OAS1: variants seen among roughly 807,000 people sequenced by gnomAD.
The protein encoded by OAS1 is 2'-5'-oligoadenylate synthase 1.
A neutral mutation model predicts 38.5 loss-of-function variants in OAS1; 24 were observed. That is an observed-to-expected ratio of 0.62 (90% CI 0.45 to 0.88). OAS1 has a LOEUF of 0.88. Among genes scored for constraint, OAS1 ranks in the 40% least tolerant of loss-of-function variants. The pLI, the probability that OAS1 is intolerant of heterozygous loss-of-function variation, is 0.00. For synonymous variants in OAS1, 169 were observed against 193.9 expected (o/e 0.87, Z 1.07); for missense variants, 482 against 493.9 (o/e 0.98, Z 0.23).
chr12:112,925,378 C>T (rs1054679335), intron 6 of OAS1, among the ~76,000 whole-genome samples: 1 of 152,184 alleles, frequency 6.6e-6, no homozygotes, highest in African/African-American at 2.4e-5. Flanking sequence ...CAACCGCAGG[C>T]CAGTATTGCC....
chr12:112,928,671 C>A (rs978550560), intron 6 of OAS1, among the ~76,000 whole-genome samples: 3 of 152,336 alleles, frequency 2.0e-5, no homozygotes, highest in Non-Finnish European at 4.4e-5. Flanking sequence ...ACACATGAAG[C>A]CATTTAAGGC....
intron 3 of OAS1, among the ~76,000 whole-genome samples, chr12:112,913,921 A>T (rs1411805570): frequency 3.3e-5 from 5 of 152,158 alleles, no homozygotes; most frequent in Non-Finnish European, 7.3e-5. Flanking sequence ...CTGATCACAG[A>T]GAGAGGACTA....
At position 112,915,753 on chromosome 12, in the gene OAS1, A is replaced by T. The variant is rs151135456; in HGVS notation, c.655-756A>T. Reference sequence around the variant, plus strand: ...ATATTGATTCTACCCATTCATGAGCATGGGATGTGTTTCCATTTGTTTGTG... The same window carrying T: ...ATATTGATTCTACCCATTCATGAGCTTGGGATGTGTTTCCATTTGTTTGTG... On this transcript the variant is annotated intron_variant, in intron 3 of 5. Coordinates refer to ENST00000202917, the MANE Select transcript of OAS1 (RefSeq NM_016816.4). 2.3e-3 allele frequency among the ~76,000 whole-genome samples: 356 copies of T among 152,314 alleles called. 1 individual carries two copies. Among genetic ancestry groups the T allele is most frequent in the African/African-American group, 7.8e-3 (325 of 41,576 alleles).
At position 112,917,686 on chromosome 12, in the gene OAS1, T is replaced by C; in HGVS notation, c.1024T>C (p.Ser342Pro). The change falls in exon 5 of 6, where the codon TCC (serine) becomes CCC (proline). Residue 342 changes from serine to proline, a missense_variant. Physicochemically the swap from Ser to Pro is moderately conservative, Grantham distance 74 (BLOSUM62 -1). Transcript: ENST00000202917. Reference sequence around the variant, plus strand: ...GAATTGGGATGGGTCCCCAGTGAGCTCCTGGATTCTGCTGGTGAGACCTCC... The same window carrying C: ...GAATTGGGATGGGTCCCCAGTGAGCCCCTGGATTCTGCTGGTGAGACCTCC... The part of the protein sequence containing the change: ...FKNWDGSPVS[S>P]WILLAESNSA... 6.2e-7 allele frequency: 1 copy of C among 1,614,160 alleles called. No individual in the cohort carries two copies. The highest frequency in any genetic ancestry group is 8.5e-7 in the Non-Finnish European group (1 of 1,180,024).
In OAS1 at chr12:112,931,665, C is replaced by G. The variant is rs180842224; in HGVS notation, c.1168-213C>G. On this transcript the variant is annotated intron_variant, in intron 6 of 6. Transcript: ENST00000540589. ...GACTCTAAAACATCTAAAACTGTTG[C>G]CCCGCATTCTCTTCATTTGACAGAT... Among the ~76,000 whole-genome samples, 371 of 152,310 alleles carry G rather than the reference C, an allele frequency of 2.4e-3. 1 individual carries two copies. The highest frequency in any genetic ancestry group is 8.2e-3 in the African/African-American group (341 of 41,572).
chr12:112,917,397 AG>A (rs2062156873), intron 4 of OAS1, 149 bp from the exon 5 acceptor site: 1 of 962,960 alleles, frequency 1.0e-6, no homozygotes, highest in African/African-American at 1.6e-5. Flanking sequence ...GCTGGGGAAT[AG>A]GGCACTGGGG....
chr12:112,922,713 C>G (rs1322846317), downstream of OAS1, among the ~76,000 whole-genome samples: 2 of 152,204 alleles, frequency 1.3e-5, no homozygotes, highest in Admixed American at 1.3e-4. Context: ...ACATAGTAAA[C>G]ATATCCACTC....
At chr12:112,921,211 A>G (rs2136329338), downstream of OAS1, among the ~76,000 whole-genome samples, 1 of 152,330 alleles carries the variant, frequency 6.6e-6, no homozygotes, top group East Asian at 1.9e-4. Flanking sequence ...AAACCCTCAC[A>G]GATACACCTA....
intron 5 of OAS1, chr12:112,919,005 G>A (rs1005558232): frequency 7.2e-6 from 2 of 278,262 alleles, no homozygotes; most frequent in Non-Finnish European, 1.4e-5. Context: ...AAAGAGAATA[G>A]GGAGAAGTGA....
At chr12:112,923,492 G>T (rs1452490050), downstream of OAS1, among the ~76,000 whole-genome samples, 3 of 152,186 alleles carry the variant, frequency 2.0e-5, no homozygotes, top group Non-Finnish European at 2.9e-5. Flanking sequence ...TCATAGACCT[G>T]TTATCCATTT....
exon 7 of OAS1, chr12:112,931,992 A>G (rs12297351): frequency 0.013 from 9,102 of 692,138 alleles, 392 homozygotes; most frequent in African/African-American, 0.11. Flanking sequence ...TTGCTTAGGG[A>G]GGCAGAAATC....
At position 112,911,068 on chromosome 12, in the gene OAS1, T is replaced by C; in HGVS notation, c.487T>C (p.Tyr163His). The change falls in exon 3 of 6, where the codon TAT (tyrosine) becomes CAT (histidine). Residue 163 changes from tyrosine to histidine, a missense_variant. Coordinates refer to ENST00000202917, the MANE Select transcript of OAS1 (RefSeq NM_016816.4). Reference sequence around the variant, plus strand: ...CCGAACAGGTCAGTTGACTGGCGGCTATAAACCTAACCCCCAAATCTATGT... The same window carrying C: ...CCGAACAGGTCAGTTGACTGGCGGCCATAAACCTAACCCCCAAATCTATGT... Reference protein sequence around the residue: ...FDALGQLTGGYKPNPQIYVKL... With the variant: ...FDALGQLTGGHKPNPQIYVKL... 1.2e-6 allele frequency: 2 copies of C among 1,613,830 alleles called. No homozygotes were observed. The highest frequency in any genetic ancestry group is 1.7e-6 in the Non-Finnish European group (2 of 1,179,892).
intron 6 of OAS1, chr12:112,931,797 A>G (rs767804383): frequency 1.3e-4 from 77 of 611,236 alleles, no homozygotes; most frequent in Non-Finnish European, 1.9e-4. Flanking sequence ...AGATGCTTCT[A>G]TAGGCTTTTC....
In OAS1 at chr12:112,908,675, A is replaced by G; in HGVS notation, c.320A>G (p.Glu107Gly). The G allele has an allele frequency of 6.2e-7, 1 of 1,614,216 alleles. No homozygotes were observed. The highest frequency in any genetic ancestry group is 8.5e-7 in the Non-Finnish European group (1 of 1,180,038). Residue 107 changes from glutamate to glycine, a missense_variant, in exon 2 of 6, where the codon GAA becomes GGA. Transcript: ENST00000202917. ...ATCCAGGAAATTAGGAGACAGCTGG[A>G]AGCCTGTCAAAGAGAGAGAGCATTT... The part of the protein sequence containing the change: ...EFIQEIRRQL[E>G]ACQRERAFSV...
At chr12:112,921,487 T>C (rs542410789), downstream of OAS1, among the ~76,000 whole-genome samples, 13 of 152,338 alleles carry the variant, frequency 8.5e-5, no homozygotes, top group Admixed American at 2.6e-4. Flanking sequence ...CAGCCTTCCA[T>C]CTACAACAGG....
chr12:112,928,083 G>A (rs2043571738), intron 6 of OAS1, among the ~76,000 whole-genome samples: 1 of 152,172 alleles, frequency 6.6e-6, no homozygotes, highest in African/African-American at 2.4e-5. Context: ...CTAGTGCCAG[G>A]ATCTTTAGTG....
At chr12:112,910,380 AAAG>A (rs2043358586) in intron 2 of OAS1, among the ~76,000 whole-genome samples, 1 of 152,138 alleles carries the variant, frequency 6.6e-6, no homozygotes, top group Non-Finnish European at 1.5e-5. Flanking sequence ...AAAAAAGAAA[AAAG>A]AAAAGAATAT....
intron 6 of OAS1, among the ~76,000 whole-genome samples, chr12:112,930,939 A>G (rs1304071057): frequency 2.0e-5 from 3 of 152,218 alleles, no homozygotes; most frequent in African/African-American, 7.2e-5. Flanking sequence ...GCTGCTGATC[A>G]ACATTTCTGG....
At chr12:112,915,778 G>A (rs1279576859) in intron 3 of OAS1, among the ~76,000 whole-genome samples, 1 of 152,086 alleles carries the variant, frequency 6.6e-6, no homozygotes, top group Non-Finnish European at 1.5e-5. Flanking sequence ...ATTTGTTTGT[G>A]TCATCTATGA....
Sources: allele counts gnomAD v4.1 joint callset (sites outside exome capture counted in the v4.1 genomes callset), GRCh38; gene constraint gnomAD v4.1.1; transcripts MANE v1.5; gene names NCBI Gene and HGNC (gene_info 2026-07-23, HGNC 2026-07-21).